AR: variants seen among roughly 807,000 people sequenced by gnomAD.
AR encodes the protein dihydrotestosterone receptor.
Under a neutral mutation model 53.9 loss-of-function variants are expected in AR, and 8 were observed. That is an observed-to-expected ratio of 0.15 (90% CI 0.09 to 0.27). The LOEUF (loss-of-function observed/expected upper bound fraction) is 0.27, where lower values mean the gene tolerates loss of function less well. Ranked by LOEUF, AR falls within the 10% of genes least tolerant of loss-of-function variation. The pLI, the probability that AR is intolerant of heterozygous loss-of-function variation, is 1.00. For synonymous variants in AR, 359 were observed against 316.4 expected (o/e 1.13, Z -1.43); for missense variants, 639 against 742.5 (o/e 0.86, Z 1.62).
chrX:67,720,199 T>C (rs748799090), intron 5 of AR, among the ~76,000 whole-genome samples: 2 of 111,393 alleles, frequency 1.8e-5, no homozygotes, highest in East Asian at 5.7e-4. Flanking sequence ...CCAACCTTGT[T>C]CTCTTCCTAA....
chrX:67,638,770 G>A (rs1163705805), intron 1 of AR, among the ~76,000 whole-genome samples: 1 of 111,973 alleles, frequency 8.9e-6, no homozygotes, highest in East Asian at 2.8e-4. Context: ...CTCCCATTCT[G>A]TAGGTTGCTT....
intron 2 of AR, among the ~76,000 whole-genome samples, chrX:67,665,539 G>C (rs977566620): frequency 1.8e-4 from 20 of 112,121 alleles, no homozygotes; most frequent in African/African-American, 5.5e-4. Context: ...TTTTAGTCAT[G>C]TCAGCTTGGC....
chrX:67,724,049 A>T lies in AR; in HGVS notation c.*208A>T. 2.2e-6 allele frequency: 1 copy of T among 454,166 alleles called. No individual in the cohort carries two copies. Among genetic ancestry groups the T allele is most frequent in the South Asian group, 3.9e-5 (1 of 25,953 alleles). The allele number at this position is 454,166 out of a possible 1,213,427, so 37.4% of individuals were successfully genotyped here. A position where few individuals can be genotyped will look rare whatever the true frequency, so the allele number is the denominator to read the frequency against. ...CTTTTTCTTCTTCCCTCCCTATCTA[A>T]CCCTCCCATGGCACCTTCAGACTTT... On this transcript the variant is annotated 3_prime_UTR_variant, in exon 8 of 8. Coordinates refer to ENST00000374690, the MANE Select transcript of AR (RefSeq NM_000044.6).
At chrX:67,637,224 C>T (rs1225934519) in intron 1 of AR, among the ~76,000 whole-genome samples, 2 of 107,800 alleles carry the variant, frequency 1.9e-5, no homozygotes, top group Admixed American at 9.9e-5. Flanking sequence ...ATGTGCACAA[C>T]GTGCAGGTTT....
intron 2 of AR, among the ~76,000 whole-genome samples, chrX:67,678,585 T>C (rs1443659264): frequency 8.9e-6 from 1 of 111,900 alleles, no homozygotes; most frequent in Non-Finnish European, 1.9e-5. Context: ...GATATATAGG[T>C]AAACTGCATG....
At chrX:67,568,936 G>A (rs1363538633) in intron 1 of AR, 8 of 1,207,229 alleles carry the variant, frequency 6.6e-6, no homozygotes, top group Non-Finnish European at 6.7e-6. Context: ...GCTTTGTACC[G>A]GACTTTGTAC....
chrX:67,711,439 G>A lies in AR; in HGVS notation c.1923G>A (p.Gln641=). Residue 641 remains glutamine, a synonymous_variant, in exon 4 of 8, where the codon CAG becomes CAA. Transcript: ENST00000374690. ...KLKKLGNLKL[Q]EEGEASSTTS... is the part of the protein sequence containing the mutation. ...AGAAACTTGGTAATCTGAAACTACAGGAGGAAGGAGAGGCTTCCAGCACCA... is the reference window on the plus strand; with the variant it reads ...AGAAACTTGGTAATCTGAAACTACAAGAGGAAGGAGAGGCTTCCAGCACCA... 8.3e-7 allele frequency: 1 copy of A among 1,200,797 alleles called. No individual in the cohort carries two copies. The highest frequency in any genetic ancestry group is 2.3e-4 in the Middle Eastern group (1 of 4,341).
intron 1 of AR, among the ~76,000 whole-genome samples, chrX:67,612,156 A>G (rs755791174): frequency 8.9e-6 from 1 of 112,456 alleles, no homozygotes; most frequent in Non-Finnish European, 1.9e-5. Flanking sequence ...ACCTTAACAG[A>G]AATTAAGTAT....
At chrX:67,684,705 A>C (rs1003889202) in intron 2 of AR, among the ~76,000 whole-genome samples, 2 of 112,212 alleles carry the variant, frequency 1.8e-5, no homozygotes, top group East Asian at 5.6e-4. Context: ...TGTTCTTGCA[A>C]GTAGCACTTT....
At position 67,729,181 on chromosome X, in the gene AR, T is replaced by C; in HGVS notation, c.*5340T>C. 1 of 175,920 alleles carries C rather than the reference T, an allele frequency of 5.7e-6. No individual in the cohort carries two copies. The allele number at this position is 175,920 out of a possible 1,213,427, so 14.5% of individuals were successfully genotyped here. On this transcript the variant is annotated 3_prime_UTR_variant, in exon 8 of 8. Coordinates refer to ENST00000374690, the MANE Select transcript of AR (RefSeq NM_000044.6). ...GTTTTGGATATGTTCTGTAAAGATT[T>C]TGACAAATGAAAATGTGTTTTTCTC...
chrX:67,720,522 T>TA (rs1041584091), intron 5 of AR, among the ~76,000 whole-genome samples: 1 of 111,952 alleles, frequency 8.9e-6, no homozygotes, highest in African/African-American at 3.3e-5. Context: ...CCAATCTTAC[T>TA]AAAAAATTCT....
intron 1 of AR, among the ~76,000 whole-genome samples, chrX:67,560,885 C>A (rs1032329412): frequency 8.9e-6 from 1 of 111,846 alleles, no homozygotes; most frequent in African/African-American, 3.2e-5. Flanking sequence ...CTATATGACA[C>A]AATATGGTTG....
intron 2 of AR, among the ~76,000 whole-genome samples, chrX:67,685,082 A>G (rs1169903309): frequency 9.0e-6 from 1 of 111,328 alleles, no homozygotes; most frequent in Non-Finnish European, 1.9e-5. Context: ...GCACGGTTGC[A>G]AGCATGAGAA....
At chrX:67,613,433 G>T (rs749996941) in intron 1 of AR, among the ~76,000 whole-genome samples, 4 of 110,745 alleles carry the variant, frequency 3.6e-5, no homozygotes, top group Admixed American at 9.5e-5. Flanking sequence ...TCTTGGTGGT[G>T]AGCAATTAAG....
chrX:67,637,572 T>C (rs1009402529), intron 1 of AR, among the ~76,000 whole-genome samples: 2 of 108,928 alleles, frequency 1.8e-5, no homozygotes, highest in African/African-American at 3.3e-5. Context: ...TAATCCAGTC[T>C]ATCATTGTTG....
rs759335032 is a variant in AR at position 67,588,504 on chromosome X, A to T, written c.1616+41742A>T. On this transcript the variant is annotated intron_variant, in intron 1 of 7. Coordinates refer to ENST00000374690, the MANE Select transcript of AR (RefSeq NM_000044.6). ...GCCTGGGATCATCAAGCCTGTTTTT[A>T]TTGGAAGAGCAAGAGAGAGAGGGAA... Among the ~76,000 whole-genome samples, 18 of 111,787 alleles carry T rather than the reference A, an allele frequency of 1.6e-4. No individual in the cohort carries two copies. In the South Asian group the frequency reaches 3.4e-3, roughly 21 times the overall value.
chrX:67,684,255 C>T (rs757227575), intron 2 of AR, among the ~76,000 whole-genome samples: 1 of 111,930 alleles, frequency 8.9e-6, no homozygotes, highest in Non-Finnish European at 1.9e-5. Context: ...TAGCACCGTC[C>T]TTTCTGTGCA....
Position 67,544,910 on chromosome X carries a change from CTG to C in AR, c.-234_-233del, listed in dbSNP as rs757127923. Reference sequence around the variant, plus strand: ...TACCCTTCAAGTATTAAGAGACAGACTGTGAGCCTAGCAGGGCAGATCTTGTC... The same window carrying C: ...TACCCTTCAAGTATTAAGAGACAGACTGAGCCTAGCAGGGCAGATCTTGTC... On this transcript the variant is annotated 5_prime_UTR_variant, in exon 1 of 8. Coordinates refer to ENST00000374690, the MANE Select transcript of AR (RefSeq NM_000044.6). The C allele has an allele frequency of 1.6e-5, 6 of 374,673 alleles. No individual in the cohort carries two copies. In the Admixed American group the frequency reaches 2.6e-4, roughly 16 times the overall value. 30.9% of individuals were successfully genotyped at this position (374,673 alleles called of 1,213,427 possible).
chrX:67,559,332 A>G (rs1332650143), intron 1 of AR, among the ~76,000 whole-genome samples: 2 of 112,075 alleles, frequency 1.8e-5, no homozygotes, highest in Non-Finnish European at 3.8e-5. Context: ...TCCATCAACA[A>G]GATTGGACAG....
Sources: gnomAD v4.1 joint callset for allele counts (sites outside exome capture counted in the v4.1 genomes callset) on GRCh38, gnomAD v4.1.1 for gene constraint, MANE v1.5 for transcripts, NCBI Gene and HGNC (gene_info 2026-07-23, HGNC 2026-07-21) for gene names.